Variants in PARD3 observed in about 807,000 individuals in gnomAD.
PARD3 encodes partitioning defective 3 homolog.
PARD3 carries 75 observed loss-of-function variants against 155.4 expected under a neutral mutation model. The observed-to-expected ratio is 0.48, with a 90% CI of 0.40 to 0.58. The LOEUF is 0.58. Ranked by LOEUF, PARD3 falls within the 20% of genes least tolerant of loss-of-function variation. The probability of loss-of-function intolerance (pLI) is 0.00; values close to 1 mark genes in which losing one functional copy is unlikely to be tolerated. For synonymous variants in PARD3, 576 were observed against 610.5 expected, an observed-to-expected ratio of 0.94 and a Z score of 0.83; for missense variants, 1,642 against 1,721.7, an observed-to-expected ratio of 0.95 and a Z score of 0.82.
At chr10:34,779,231 G>A (rs1839954834) in intron 1 of PARD3, among the ~76,000 whole-genome samples, 1 of 152,066 alleles carries the variant, frequency 6.6e-6, no homozygotes, top group Admixed American at 6.6e-5. Context: ...GCTTGAACCT[G>A]GGAGGTGAAG....
At chr10:34,786,252 A>G (rs1195390886) in intron 1 of PARD3, among the ~76,000 whole-genome samples, 1 of 152,216 alleles carries the variant, frequency 6.6e-6, no homozygotes, top group African/African-American at 2.4e-5. Context: ...GAGCCCACTC[A>G]ATGTCCCATC....
At chr10:34,476,175 T>C (rs571839725) in intron 3 of PARD3, among the ~76,000 whole-genome samples, 25 of 152,302 alleles carry the variant, frequency 1.6e-4, no homozygotes, top group African/African-American at 5.5e-4. Flanking sequence ...AGCTTCCATA[T>C]GTTGGAGAAG....
At chr10:34,332,995 C>T (rs1283287569) in intron 18 of PARD3, among the ~76,000 whole-genome samples, 1 of 152,076 alleles carries the variant, frequency 6.6e-6, no homozygotes, top group African/African-American at 2.4e-5. Flanking sequence ...GGGATATTTA[C>T]CTTTATAGTT....
chr10:34,466,319 T>C (rs1342044696), intron 4 of PARD3, among the ~76,000 whole-genome samples: 1 of 152,160 alleles, frequency 6.6e-6, no homozygotes, highest in Non-Finnish European at 1.5e-5. Context: ...ACTAAGCTAA[T>C]AGTGGAATGA....
chr10:34,447,268 TCAGCAGTTTGAGGC>T, intron 5 of PARD3, among the ~76,000 whole-genome samples: 1 of 151,326 alleles, frequency 6.6e-6, no homozygotes, highest in East Asian at 2.0e-4. Flanking sequence ...TCACTTGAGG[TCAGCAGTTTGAGGC>T]CACCCTGGCC....
Position 34,299,450 on chromosome 10 carries a change from C to T in PARD3, c.3066-15205G>A, listed in dbSNP as rs536142592. On this transcript the variant is annotated intron_variant, in intron 20 of 24. Coordinates refer to ENST00000374788, the MANE Select transcript of PARD3 (RefSeq NM_001184785.2). Reference sequence around the variant, plus strand: ...CTTTCTCTCTAATCAGACGGCTGTCCACCAGCTGTATGTATAGACAACGGT... The same window carrying T: ...CTTTCTCTCTAATCAGACGGCTGTCTACCAGCTGTATGTATAGACAACGGT... Among the ~76,000 whole-genome samples, 83 of 152,310 alleles carry T rather than the reference C, an allele frequency of 5.4e-4. 1 individual carries two copies. The South Asian group carries it at 0.013, about 23-fold the overall frequency.
At chr10:34,304,716 A>G (rs1589119310) in intron 20 of PARD3, among the ~76,000 whole-genome samples, 1 of 152,178 alleles carries the variant, frequency 6.6e-6, no homozygotes, top group Non-Finnish European at 1.5e-5. Flanking sequence ...TAGTTTCTTC[A>G]TTCATAAAAC....
chr10:34,484,488 C>T (rs1233216820), intron 3 of PARD3, among the ~76,000 whole-genome samples: 1 of 152,186 alleles, frequency 6.6e-6, no homozygotes, highest in Non-Finnish European at 1.5e-5. Flanking sequence ...TGTTTCATTG[C>T]TCCTCTCGAG....
chr10:34,117,772 G>A lies in PARD3; in HGVS notation c.3668+1841C>T, dbSNP rs111548721. Among the ~76,000 whole-genome samples, 125 of 152,266 alleles carry A rather than the reference G, an allele frequency of 8.2e-4. 1 individual carries two copies. Among genetic ancestry groups the A allele is most frequent in the African/African-American group, 2.6e-3 (108 of 41,546 alleles). On this transcript the variant is annotated intron_variant, in intron 24 of 24. Transcript: ENST00000374788. ...CTAAAGATACAAAAATTAGCCAGGC[G>A]AGGTGGCGCACGCCTGTAACCCCAG...
chr10:34,760,211 C>T (rs529480105), intron 1 of PARD3, among the ~76,000 whole-genome samples: 136 of 151,958 alleles, frequency 8.9e-4, no homozygotes, highest in Non-Finnish European at 1.3e-4. Context: ...GGTGTAGAAA[C>T]AGTATTTATT....
At chr10:34,410,922 C>G (rs1344031199) in intron 5 of PARD3, among the ~76,000 whole-genome samples, 2 of 152,148 alleles carry the variant, frequency 1.3e-5, no homozygotes, top group Non-Finnish European at 2.9e-5. Flanking sequence ...CCATCTGGGC[C>G]CAAGGGCATC....
chr10:34,349,252 T>C (rs1304001056), intron 14 of PARD3, among the ~76,000 whole-genome samples: 1 of 152,188 alleles, frequency 6.6e-6, no homozygotes, highest in African/African-American at 2.4e-5. Context: ...ATAAATGAGA[T>C]ATTTAATGAA....
chr10:34,718,737 C>A (rs547624536), intron 1 of PARD3, among the ~76,000 whole-genome samples: 2 of 152,200 alleles, frequency 1.3e-5, no homozygotes, highest in South Asian at 4.1e-4. Flanking sequence ...CCGAGGTAGG[C>A]GGATCACCTG....
At chr10:34,470,538 C>A (rs1227594605) in intron 3 of PARD3, among the ~76,000 whole-genome samples, 1 of 152,138 alleles carries the variant, frequency 6.6e-6, no homozygotes, top group Non-Finnish European at 1.5e-5. Context: ...GCCAGGTTGC[C>A]TAACTGTTCT....
At chr10:34,327,362 G>A (rs571564732) in intron 19 of PARD3, among the ~76,000 whole-genome samples, 3 of 152,280 alleles carry the variant, frequency 2.0e-5, no homozygotes, top group South Asian at 2.1e-4. Context: ...CAGGAAGAAT[G>A]TAAGTGCTGC....
intron 14 of PARD3, among the ~76,000 whole-genome samples, chr10:34,349,143 G>A (rs999301271): frequency 5.9e-5 from 9 of 152,238 alleles, no homozygotes; most frequent in South Asian, 2.1e-4. Flanking sequence ...ACAGCACAGC[G>A]GGAGAGAAGG....
At chr10:34,241,139 C>A (rs573126884) in intron 22 of PARD3, among the ~76,000 whole-genome samples, 9 of 152,116 alleles carry the variant, frequency 5.9e-5, no homozygotes, top group Admixed American at 5.2e-4. Context: ...AGGGACCATG[C>A]GCTTGAGAGG....
At chr10:34,449,611 GA>G (rs199617519) in intron 5 of PARD3, among the ~76,000 whole-genome samples, 27 of 146,002 alleles carry the variant, frequency 1.8e-4, no homozygotes, top group South Asian at 4.4e-4. Flanking sequence ...AAAAAAAGTG[GA>G]AAAAAAAAAG....
At chr10:34,216,967 C>A (rs2133441925) in intron 22 of PARD3, among the ~76,000 whole-genome samples, 1 of 152,304 alleles carries the variant, frequency 6.6e-6, no homozygotes, top group Admixed American at 6.5e-5. Context: ...AAAAGAAATG[C>A]TTTGATTTAT....
Sources: gnomAD v4.1 joint callset for allele counts (sites outside exome capture counted in the v4.1 genomes callset) on GRCh38, gnomAD v4.1.1 for gene constraint, MANE v1.5 for transcripts, NCBI Gene and HGNC (gene_info 2026-07-23, HGNC 2026-07-21) for gene names.